Variants in MSL2 observed in about 807,000 individuals in gnomAD.
The protein encoded by MSL2 is E3 ubiquitin-protein ligase MSL2.
Under a neutral mutation model 35.8 loss-of-function variants are expected in MSL2, and 2 were observed. The observed-to-expected ratio is 0.06, with a 90% CI of 0.02 to 0.18. The LOEUF (loss-of-function observed/expected upper bound fraction) is 0.18. Ranked by LOEUF, MSL2 falls within the 10% of genes least tolerant of loss-of-function variation. MSL2 has a pLI of 1.00. For synonymous variants in MSL2, 296 were observed against 255.7 expected, an observed-to-expected ratio of 1.16 and a Z score of -1.50; for missense variants, 523 against 706.7, an observed-to-expected ratio of 0.74 and a Z score of 2.95.
At chr3:136,156,049 T>G in intron 1 of MSL2, 1 of 256,698 alleles carries the variant, frequency 3.9e-6, no homozygotes, top group Non-Finnish European at 7.9e-6. Flanking sequence ...TGCCCTGCCC[T>G]CCCCCAAAAA....
intron 1 of MSL2, among the ~76,000 whole-genome samples, chr3:136,178,802 T>C (rs1372935279): frequency 8.6e-5 from 13 of 151,864 alleles, no homozygotes; most frequent in Non-Finnish European, 8.8e-5. Flanking sequence ...CCTCCCAAAG[T>C]GCTGGGATTA....
At chr3:136,175,019 T>C (rs926201846) in intron 1 of MSL2, among the ~76,000 whole-genome samples, 5 of 152,218 alleles carry the variant, frequency 3.3e-5, no homozygotes, top group African/African-American at 1.2e-4. Flanking sequence ...ACGTACACTC[T>C]ATTTCTCTTG....
chr3:136,196,327 C>G lies in MSL2; in HGVS notation c.-1214G>C, dbSNP rs1004523266. ...GCCGCCGTCGTCGCTAGCGCTCGCA[C>G]GCATGCGCAGAGCACACTCTCACCC... On this transcript the variant is annotated 5_prime_UTR_variant, in exon 1 of 2. Transcript: ENST00000309993. The G allele has an allele frequency of 6.6e-6, 1 of 152,576 alleles. No individual in the cohort carries two copies. The highest frequency in any genetic ancestry group is 2.4e-5 in the African/African-American group (1 of 41,434). The allele number at this position is 152,576 out of a possible 1,614,324, so 9.5% of individuals were successfully genotyped here. A position where few individuals can be genotyped will look rare whatever the true frequency, so the allele number is the denominator to read the frequency against.
chr3:136,168,704 T>C (rs1251820687), intron 1 of MSL2, among the ~76,000 whole-genome samples: 2 of 151,940 alleles, frequency 1.3e-5, no homozygotes, highest in South Asian at 2.1e-4. Context: ...TGTACACCTA[T>C]GTAACAAACC....
In MSL2 at chr3:136,149,803, A is replaced by C. The variant is rs1939295854; in HGVS notation, c.*1344T>G. On this transcript the variant is annotated 3_prime_UTR_variant, in exon 2 of 2. Transcript: ENST00000309993. The stretch of plus-strand genomic sequence containing the variant: ...AAAACATAACTTCAGCATATGTCAG[A>C]TCTTACTAGAGATGGTGAACGTAGT... 1 of 152,248 alleles carries C rather than the reference A, an allele frequency of 6.6e-6. No homozygotes were observed. Among genetic ancestry groups the C allele is most frequent in the Non-Finnish European group, 1.5e-5 (1 of 68,036 alleles). The allele number at this position is 152,248 out of a possible 1,614,324, so 9.4% of individuals were successfully genotyped here.
intron 1 of MSL2, among the ~76,000 whole-genome samples, chr3:136,181,521 A>G (rs1418674597): frequency 6.6e-6 from 1 of 152,168 alleles, no homozygotes; most frequent in African/African-American, 2.4e-5. Flanking sequence ...CCACCGTGGA[A>G]CACCTTCTTG....
At chr3:136,172,523 T>C (rs1004610660) in intron 1 of MSL2, among the ~76,000 whole-genome samples, 1 of 152,202 alleles carries the variant, frequency 6.6e-6, no homozygotes, top group Non-Finnish European at 1.5e-5. Flanking sequence ...AAATTGCTAA[T>C]CCCAAATGTA....
At chr3:136,189,100 T>C in intron 1 of MSL2, among the ~76,000 whole-genome samples, 1 of 110,216 alleles carries the variant, frequency 9.1e-6, no homozygotes, top group Admixed American at 1.1e-4. Flanking sequence ...GGTGAAACCC[T>C]GTCTCTACAA....
intron 1 of MSL2, among the ~76,000 whole-genome samples, chr3:136,171,961 G>A (rs905871150): frequency 1.2e-4 from 19 of 152,160 alleles, no homozygotes; most frequent in Admixed American, 4.6e-4. Flanking sequence ...CAGTGTCATG[G>A]CTCATCGTAG....
chr3:136,177,111 G>C (rs1329344845), intron 1 of MSL2, among the ~76,000 whole-genome samples: 1 of 151,992 alleles, frequency 6.6e-6, no homozygotes, highest in Admixed American at 6.6e-5. Flanking sequence ...TTTTAGTACT[G>C]AACCAAAAAG....
At chr3:136,181,792 G>A (rs1180819461) in intron 1 of MSL2, among the ~76,000 whole-genome samples, 2 of 151,890 alleles carry the variant, frequency 1.3e-5, no homozygotes, top group East Asian at 1.9e-4. Flanking sequence ...GGTGGTAGAC[G>A]CCTGTAATCC....
chr3:136,186,804 T>C (rs1447091053), intron 1 of MSL2, among the ~76,000 whole-genome samples: 2 of 152,222 alleles, frequency 1.3e-5, no homozygotes, highest in Admixed American at 6.5e-5. Context: ...ATAAATGTAA[T>C]GTGCTTGAAT....
chr3:136,188,117 T>C (rs1228974057), intron 1 of MSL2, among the ~76,000 whole-genome samples: 1 of 151,888 alleles, frequency 6.6e-6, no homozygotes, highest in African/African-American at 2.4e-5. Flanking sequence ...AAGCCAAAGG[T>C]TTTCTCCTTC....
chr3:136,151,882 C>T lies in MSL2; in HGVS notation c.999G>A (p.Pro333=), dbSNP rs368366498. 6 of 1,614,032 alleles carry T rather than the reference C, an allele frequency of 3.7e-6. No individual in the cohort carries two copies. Among genetic ancestry groups the T allele is most frequent in the Non-Finnish European group, 5.1e-6 (6 of 1,180,038 alleles). ...LHGLSCTAAT[P]KIAKLNRKRS... Reference sequence around the variant, plus strand: ...GTTTTCTATTCAATTTTGCTATCTTCGGAGTTGCTGCTGTACATGATAACC... The same window carrying T: ...GTTTTCTATTCAATTTTGCTATCTTTGGAGTTGCTGCTGTACATGATAACC... The change falls in exon 2 of 2, where the codon CCG becomes CCA. Residue 333 remains proline (P), a synonymous_variant. Transcript: ENST00000309993. This position sits in a 1 kb window ranked among gnomAD's most constrained non-coding sequence, Gnocchi z 5.2.
chr3:136,161,579 C>G (rs562143269), intron 1 of MSL2, among the ~76,000 whole-genome samples: 1 of 152,270 alleles, frequency 6.6e-6, no homozygotes, highest in South Asian at 2.1e-4. Flanking sequence ...ACTTCCAAAA[C>G]ATTTGCTAAG....
chr3:136,165,063 C>G (rs755996835), intron 1 of MSL2, among the ~76,000 whole-genome samples: 1 of 152,038 alleles, frequency 6.6e-6, no homozygotes, highest in East Asian at 1.9e-4. Flanking sequence ...TTAGTAGAGA[C>G]GGGGTTTCAC....
At chr3:136,170,032 CAGAG>C (rs577538947) in intron 1 of MSL2, among the ~76,000 whole-genome samples, 1 of 149,772 alleles carries the variant, frequency 6.7e-6, no homozygotes, top group Non-Finnish European at 1.5e-5. Context: ...GCCTGGGCGA[CAGAG>C]AGACTCCATT....
chr3:136,165,909 G>A (rs573839208), intron 1 of MSL2, among the ~76,000 whole-genome samples: 41 of 152,090 alleles, frequency 2.7e-4, no homozygotes, highest in Non-Finnish European at 4.6e-4. Context: ...GGAATTGTTC[G>A]TAACACAAAG....
At chr3:136,163,711 T>C (rs994663207) in intron 1 of MSL2, among the ~76,000 whole-genome samples, 1 of 152,210 alleles carries the variant, frequency 6.6e-6, no homozygotes, top group African/African-American at 2.4e-5. Flanking sequence ...ATAATCCCCA[T>C]GTGCCAAGGG....
Sources: gnomAD v4.1 joint callset for allele counts (sites outside exome capture counted in the v4.1 genomes callset) on GRCh38, gnomAD v4.1.1 for gene constraint, Gnocchi (gnomAD v3.1) non-coding constraint, MANE v1.5 for transcripts, NCBI Gene and HGNC (gene_info 2026-07-23, HGNC 2026-07-21) for gene names.